BMPR2: variants seen among roughly 807,000 people sequenced by gnomAD.
The protein encoded by BMPR2 is bone morphogenetic protein receptor type 2.
Under a neutral mutation model 100.8 loss-of-function variants are expected in BMPR2, and 29 were observed. The ratio of observed to expected loss-of-function variants is 0.29; its 90% CI spans 0.21 to 0.39. The LOEUF (loss-of-function observed/expected upper bound fraction) is 0.39, where lower values mean the gene tolerates loss of function less well. Ranked by LOEUF, BMPR2 falls within the 10% of genes least tolerant of loss-of-function variation. BMPR2 has a pLI of 1.00. For synonymous variants in BMPR2, 382 were observed against 442.3 expected, an observed-to-expected ratio of 0.86 and a Z score of 1.71; for missense variants, 1,011 against 1,274.5, an observed-to-expected ratio of 0.79 and a Z score of 3.15.
chr2:202,434,550 A>G (rs1327488374), intron 1 of BMPR2, among the ~76,000 whole-genome samples: 1 of 150,316 alleles, frequency 6.7e-6, no homozygotes, highest in African/African-American at 2.5e-5. Context: ...GGCAATTTTT[A>G]AAGAGTTTCA....
At position 202,552,829 on chromosome 2, in the gene BMPR2, A is replaced by G; in HGVS notation, c.1527A>G (p.Glu509=). ...ERMAELMMIW[E]RNKSVSPTVN... is the part of the protein sequence containing the mutation. ...TGGCTGAACTTATGATGATTTGGGA[A>G]AGAAACAAATCTGTGAGCCCAACAG... Residue 509 remains glutamate (E), a synonymous_variant, in exon 11 of 13, where the codon GAA becomes GAG. Coordinates refer to ENST00000374580, the MANE Select transcript of BMPR2 (RefSeq NM_001204.7). 6.2e-7 allele frequency: 1 copy of G among 1,614,244 alleles called. No homozygotes were observed. The highest frequency in any genetic ancestry group is 8.5e-7 in the Non-Finnish European group (1 of 1,180,048).
intron 3 of BMPR2, among the ~76,000 whole-genome samples, chr2:202,499,232 G>C (rs1693107534): frequency 6.6e-6 from 1 of 152,182 alleles, no homozygotes; most frequent in Non-Finnish European, 1.5e-5. Flanking sequence ...ACAGGGTCTA[G>C]GGCAAACCTT....
intron 5 of BMPR2, among the ~76,000 whole-genome samples, chr2:202,517,722 T>TC (rs922104697): frequency 5.3e-5 from 8 of 152,188 alleles, no homozygotes; most frequent in Non-Finnish European, 8.8e-5. Flanking sequence ...ATTTCTCCTT[T>TC]CTAGGGTTCT....
chr2:202,400,836 T>C (rs2105910260), intron 1 of BMPR2, among the ~76,000 whole-genome samples: 1 of 152,344 alleles, frequency 6.6e-6, no homozygotes, highest in South Asian at 2.1e-4. Context: ...TATTTTGTTG[T>C]TTTATTCATG....
chr2:202,555,354 G>A lies in BMPR2; in HGVS notation c.1689G>A (p.Val563=). 6.2e-7 allele frequency: 1 copy of A among 1,614,102 alleles called. No homozygotes were observed. Among genetic ancestry groups the A allele is most frequent in the Non-Finnish European group, 8.5e-7 (1 of 1,179,996 alleles). Reference sequence around the variant, plus strand: ...CTATCCATCATACTGACAGCATCGTGAAGAATATTTCCTCTGAGCATTCTA... The same window carrying A: ...CTATCCATCATACTGACAGCATCGTAAAGAATATTTCCTCTGAGCATTCTA... The part of the protein sequence containing the change: ...EDSIHHTDSI[V]KNISSEHSMS... Residue 563 remains valine (V), a synonymous_variant, in exon 12 of 13, where the codon GTG becomes GTA. Coordinates refer to ENST00000374580, the MANE Select transcript of BMPR2 (RefSeq NM_001204.7).
intron 3 of BMPR2, among the ~76,000 whole-genome samples, chr2:202,483,005 T>C (rs931185081): frequency 2.0e-5 from 3 of 152,132 alleles, no homozygotes; most frequent in Admixed American, 2.0e-4. Flanking sequence ...CCTACAAGGG[T>C]TCCAGTTTCT....
At chr2:202,470,085 T>G (rs992303253) in intron 3 of BMPR2, among the ~76,000 whole-genome samples, 1 of 152,182 alleles carries the variant, frequency 6.6e-6, no homozygotes, top group Non-Finnish European at 1.5e-5. Context: ...GGCTCATACC[T>G]GTAATCCCAG....
chr2:202,548,367 G>A (rs192345488), intron 10 of BMPR2, among the ~76,000 whole-genome samples: 34 of 152,038 alleles, frequency 2.2e-4, no homozygotes, highest in Admixed American at 9.2e-4. Context: ...GAGGAGTATC[G>A]CTTGAGCCTA....
chr2:202,440,259 C>T (rs573002168), intron 1 of BMPR2, among the ~76,000 whole-genome samples: 19 of 150,598 alleles, frequency 1.3e-4, no homozygotes, highest in Admixed American at 8.5e-4. Context: ...GGGTGGCGGC[C>T]GGGCAGAGGG....
At chr2:202,507,969 G>T (rs1489934978) in intron 3 of BMPR2, among the ~76,000 whole-genome samples, 1 of 151,444 alleles carries the variant, frequency 6.6e-6, no homozygotes, top group Non-Finnish European at 1.5e-5. Context: ...CAAAGTGCTG[G>T]GATTATAGGT....
intron 3 of BMPR2, among the ~76,000 whole-genome samples, chr2:202,497,653 T>C (rs1693069660): frequency 6.6e-6 from 1 of 152,200 alleles, no homozygotes; most frequent in Admixed American, 6.5e-5. Flanking sequence ...CAAAGGCATG[T>C]CACCCAAGTG....
At chr2:202,379,837 A>G (rs1224684089) in intron 1 of BMPR2, among the ~76,000 whole-genome samples, 1 of 140,976 alleles carries the variant, frequency 7.1e-6, no homozygotes, top group South Asian at 2.3e-4. Context: ...TTCTTAGAAC[A>G]TTTTCTTTCT....
chr2:202,543,815 C>T (rs1688326527), intron 10 of BMPR2, among the ~76,000 whole-genome samples: 1 of 152,090 alleles, frequency 6.6e-6, no homozygotes, highest in African/African-American at 2.4e-5. Context: ...TGTAAGCATT[C>T]ACTGCACAAC....
At chr2:202,474,243 C>A (rs1478169674) in intron 3 of BMPR2, among the ~76,000 whole-genome samples, 2 of 152,026 alleles carry the variant, frequency 1.3e-5, no homozygotes, top group Non-Finnish European at 2.9e-5. Context: ...ATCATGAGGT[C>A]AGGAGTTCGA....
rs1687883251 is a variant in BMPR2, at chr2:202,525,028, T to A, written c.967+4827T>A. 2.0e-5 allele frequency among the ~76,000 whole-genome samples: 3 copies of A among 152,096 alleles called. No homozygotes were observed. The South Asian group carries it at 6.2e-4, about 32-fold the overall frequency. ...AAATGTTCTTTTGATTCTAGGGCAT[T>A]TTCAGACTTTTTAAAGCCCATTTTT... is the stretch of plus-strand genomic sequence containing the variant. On this transcript the variant is annotated intron_variant, in intron 7 of 12. Transcript: ENST00000374580.
chr2:202,449,133 A>G (rs185601242), intron 1 of BMPR2, among the ~76,000 whole-genome samples: 149 of 151,168 alleles, frequency 9.9e-4, no homozygotes, highest in Non-Finnish European at 1.8e-3. Flanking sequence ...ACATGGAGAA[A>G]CCCTGTCTCT....
In BMPR2 at chr2:202,377,151, A is replaced by G. The variant is rs934711669; in HGVS notation, c.-324A>G. The G allele has an allele frequency of 3.4e-6, 2 of 580,932 alleles. No homozygotes were observed. Among genetic ancestry groups the G allele is most frequent in the Non-Finnish European group, 6.1e-6 (2 of 327,346 alleles). The allele number at this position is 580,932 out of a possible 1,614,324, so 36.0% of individuals were successfully genotyped here. ...ACCTGGATATTTTTTTGATATCGTG[A>G]AACTACGAGGGAAATAATTTGGGGG... On this transcript the variant is annotated 5_prime_UTR_variant, in exon 1 of 13. Transcript: ENST00000374580.
chr2:202,531,447 T>G (rs758336686), intron 8 of BMPR2, among the ~76,000 whole-genome samples: 9 of 152,178 alleles, frequency 5.9e-5, no homozygotes, highest in Non-Finnish European at 1.2e-4. Flanking sequence ...TTACAAGCAT[T>G]AGGAACAAAT....
Position 202,376,446 on chromosome 2 carries a change from G to A in BMPR2, c.-1029G>A, listed in dbSNP as rs1199086671. ...CCCGGCTACCTTCATCCGCCCTCCC[G>A]CCGCCCCCCGCCCTCGGTCCGCGAC... is the stretch of plus-strand genomic sequence containing the variant. On this transcript the variant is annotated 5_prime_UTR_variant, in exon 1 of 13. Transcript: ENST00000374580. 2.4e-4 allele frequency among the ~76,000 whole-genome samples: 35 copies of A among 143,234 alleles called. No individual in the cohort carries two copies. Among genetic ancestry groups the A allele is most frequent in the Non-Finnish European group, 4.7e-4 (31 of 65,354 alleles). The allele number at this position is 143,234 out of a possible 152,430, so 94.0% of individuals were successfully genotyped here.
Sources: gnomAD v4.1 joint callset for allele counts (sites outside exome capture counted in the v4.1 genomes callset) on GRCh38, gnomAD v4.1.1 for gene constraint, MANE v1.5 for transcripts, NCBI Gene and HGNC (gene_info 2026-07-23, HGNC 2026-07-21) for gene names.